GRXCR1: variants seen among roughly 807,000 people sequenced by gnomAD.
GRXCR1 encodes the protein glutaredoxin and cysteine rich domain containing 1.
A neutral mutation model predicts 27.3 loss-of-function variants in GRXCR1; 27 were observed. That is an observed-to-expected ratio of 0.99 (90% CI 0.73 to 1.37). The LOEUF (loss-of-function observed/expected upper bound fraction) is 1.37. Among genes scored for constraint, GRXCR1 ranks in the 40% most tolerant of loss-of-function variants. GRXCR1 has a pLI of 0.00. For missense variants in GRXCR1, 379 were observed against 354.4 expected, an observed-to-expected ratio of 1.07 and a Z score of -0.56; for synonymous variants, 122 against 131.1, an observed-to-expected ratio of 0.93 and a Z score of 0.47.
chr4:42,967,051 G>T (rs1748254247), intron 2 of GRXCR1, among the ~76,000 whole-genome samples: 1 of 151,928 alleles, frequency 6.6e-6, no homozygotes, highest in Non-Finnish European at 1.5e-5. Context: ...GATTAATGAA[G>T]TTCACTTTGT....
chr4:43,000,045 A>G (rs1047762535), intron 2 of GRXCR1, among the ~76,000 whole-genome samples: 3 of 152,200 alleles, frequency 2.0e-5, no homozygotes, highest in Non-Finnish European at 4.4e-5. Flanking sequence ...GAAATAAGCA[A>G]TTCATAAATC....
At chr4:43,017,635 A>T (rs1285345283) in intron 2 of GRXCR1, among the ~76,000 whole-genome samples, 2 of 152,214 alleles carry the variant, frequency 1.3e-5, no homozygotes, top group Non-Finnish European at 2.9e-5. Flanking sequence ...ATATGGAAGA[A>T]ATATTTCCAT....
chr4:42,892,730 C>G lies in GRXCR1; in HGVS notation c.-537C>G, dbSNP rs1746261984. The G allele has an allele frequency of 6.4e-6, 1 of 157,450 alleles. No individual in the cohort carries two copies. 9.8% of individuals were successfully genotyped at this position (157,450 alleles called of 1,614,324 possible). A position where few individuals can be genotyped will look rare whatever the true frequency, so the allele number is the denominator to read the frequency against. On this transcript the variant is annotated 5_prime_UTR_variant, in exon 1 of 4. Coordinates refer to ENST00000399770, the MANE Select transcript of GRXCR1 (RefSeq NM_001080476.3). ...TTAATAAGAACTAATAGTAATAGCT[C>G]TATGCAGGCATGCAGCATGCAGCGT... is the stretch of plus-strand genomic sequence containing the variant.
rs1023234006 is a variant in GRXCR1 at position 42,943,698 on chromosome 4, C to A, written c.385-19194C>A. On this transcript the variant is annotated intron_variant, in intron 1 of 3. Coordinates refer to ENST00000399770, the MANE Select transcript of GRXCR1 (RefSeq NM_001080476.3). Reference sequence around the variant, plus strand: ...CACTAAAGTAGAGGTACATATTTATCACTTATTCATTCAAGAAATATTTTT... The same window carrying A: ...CACTAAAGTAGAGGTACATATTTATAACTTATTCATTCAAGAAATATTTTT... Among the ~76,000 whole-genome samples the A allele has an allele frequency of 1.1e-4, 16 of 152,162 alleles. No homozygotes were observed. The East Asian group carries it at 2.1e-3, about 20-fold the overall frequency.
intron 1 of GRXCR1, among the ~76,000 whole-genome samples, chr4:42,927,979 T>C (rs1460656189): frequency 1.3e-5 from 2 of 152,000 alleles, no homozygotes; most frequent in Non-Finnish European, 2.9e-5. Flanking sequence ...GTTACTGCTG[T>C]AGACAGCTAG....
chr4:43,014,625 A>T (rs1712873475), intron 2 of GRXCR1, among the ~76,000 whole-genome samples: 2 of 152,174 alleles, frequency 1.3e-5, no homozygotes, highest in Non-Finnish European at 2.9e-5. Flanking sequence ...GAAGTCATTT[A>T]TATAGTATTC....
At chr4:43,001,791 G>A (rs1425693431) in intron 2 of GRXCR1, among the ~76,000 whole-genome samples, 2 of 152,142 alleles carry the variant, frequency 1.3e-5, no homozygotes, top group Non-Finnish European at 2.9e-5. Flanking sequence ...CACCGGCACC[G>A]ACCTCTGAGT....
chr4:42,926,811 G>A lies in GRXCR1; in HGVS notation c.384+33161G>A, dbSNP rs573363218. Among the ~76,000 whole-genome samples the A allele has an allele frequency of 1.8e-4, 28 of 152,030 alleles. 1 individual carries two copies. Among genetic ancestry groups the A allele is most frequent in the African/African-American group, 6.3e-4 (26 of 41,518 alleles). On this transcript the variant is annotated intron_variant, in intron 1 of 3. Coordinates refer to ENST00000399770, the MANE Select transcript of GRXCR1 (RefSeq NM_001080476.3). Reference sequence around the variant, plus strand: ...TTTTAATCATCCAACAGAAAAATCAGTTCCCAAATAGCATATTGGTTTTCC... The same window carrying A: ...TTTTAATCATCCAACAGAAAAATCAATTCCCAAATAGCATATTGGTTTTCC...
At chr4:42,929,398 C>T (rs1472547902) in intron 1 of GRXCR1, among the ~76,000 whole-genome samples, 1 of 151,890 alleles carries the variant, frequency 6.6e-6, no homozygotes, top group Non-Finnish European at 1.5e-5. Context: ...AGCATTAGGG[C>T]CTTTATTAAC....
intron 3 of GRXCR1, among the ~76,000 whole-genome samples, chr4:43,021,842 C>A (rs537038501): frequency 6.6e-6 from 1 of 152,218 alleles, no homozygotes; most frequent in East Asian, 1.9e-4. Flanking sequence ...TTTAAATCTC[C>A]TTTTTTCCAT....
At chr4:42,971,816 T>G (rs1158015937) in intron 2 of GRXCR1, among the ~76,000 whole-genome samples, 1 of 152,120 alleles carries the variant, frequency 6.6e-6, no homozygotes, top group Admixed American at 6.6e-5. Context: ...CAAAGACAGC[T>G]AGAAAGTAGG....
intron 1 of GRXCR1, among the ~76,000 whole-genome samples, chr4:42,903,995 T>C (rs1746527375): frequency 6.6e-6 from 1 of 152,202 alleles, no homozygotes; most frequent in Admixed American, 6.5e-5. Flanking sequence ...GGAACATAAT[T>C]CGCCTTGATG....
intron 2 of GRXCR1, among the ~76,000 whole-genome samples, chr4:42,987,222 T>TTATATATTATATATTATATATA (rs1711773109): frequency 9.9e-6 from 1 of 100,594 alleles, no homozygotes; most frequent in Non-Finnish European, 1.9e-5. Flanking sequence ...TATATATATA[T>TTATATATTATATATTATATATA]TATATATTAT....
At position 42,900,159 on chromosome 4, in the gene GRXCR1, G is replaced by C. The variant is rs541406202; in HGVS notation, c.384+6509G>C. On this transcript the variant is annotated intron_variant, in intron 1 of 3. Transcript: ENST00000399770. ...ATAAAAGTAATATAAACATTTAATA[G>C]TCTATACACTGACACAGCATATAAA... Among the ~76,000 whole-genome samples the C allele has an allele frequency of 1.6e-4, 25 of 152,210 alleles. 1 individual carries two copies. The South Asian group carries it at 4.8e-3, about 29-fold the overall frequency.
intron 2 of GRXCR1, among the ~76,000 whole-genome samples, chr4:43,000,752 G>T (rs577393235): frequency 2.0e-5 from 3 of 152,102 alleles, no homozygotes; most frequent in East Asian, 3.9e-4. Context: ...AGGGGGTCCT[G>T]AAATGTATCC....
Position 43,030,607 on chromosome 4 carries a change from AT to A in GRXCR1, c.*72del. 1.6e-6 allele frequency: 2 copies of A among 1,218,974 alleles called. No individual in the cohort carries two copies. The highest frequency in any genetic ancestry group is 1.2e-6 in the Non-Finnish European group (1 of 831,338). 75.5% of individuals were successfully genotyped at this position (1,218,974 alleles called of 1,614,324 possible). ...AGGCAATACTTTGGTTTATATATATATTTTTAAATGGTTATGTTTATGGATT... is the reference window on the plus strand; with the variant it reads ...AGGCAATACTTTGGTTTATATATATATTTTAAATGGTTATGTTTATGGATT... On this transcript the variant is annotated 3_prime_UTR_variant, in exon 4 of 4. Transcript: ENST00000399770.
chr4:42,977,720 G>A (rs1748556719), intron 2 of GRXCR1, among the ~76,000 whole-genome samples: 1 of 151,910 alleles, frequency 6.6e-6, no homozygotes, highest in South Asian at 2.1e-4. Flanking sequence ...TTGTCAGATG[G>A]ATAGTTTGCA....
At chr4:42,913,885 A>T (rs909648740) in intron 1 of GRXCR1, among the ~76,000 whole-genome samples, 1 of 152,206 alleles carries the variant, frequency 6.6e-6, no homozygotes, top group Non-Finnish European at 1.5e-5. Context: ...GGGTCAATGT[A>T]TAGCTCACAT....
chr4:42,950,095 T>C (rs1223573918), intron 1 of GRXCR1, among the ~76,000 whole-genome samples: 1 of 152,152 alleles, frequency 6.6e-6, no homozygotes, highest in East Asian at 1.9e-4. Context: ...ACTTTAATCT[T>C]ATATAATATT....
Sources: gnomAD v4.1 joint callset for allele counts (sites outside exome capture counted in the v4.1 genomes callset) on GRCh38, gnomAD v4.1.1 for gene constraint, MANE v1.5 for transcripts, NCBI Gene and HGNC (gene_info 2026-07-23, HGNC 2026-07-21) for gene names.